The following AAGAB variants were observed in gnomAD, a reference collection of about 807,000 sequenced individuals.
AAGAB encodes the protein alpha- and gamma-adaptin-binding protein p34.
In AAGAB, 38 loss-of-function variants were observed where a neutral mutation model predicts 44.1. The observed-to-expected ratio is 0.86, with a 90% confidence interval of 0.67 to 1.13. AAGAB has a LOEUF of 1.13. Ranked by LOEUF, AAGAB falls within the 50% of genes most tolerant of loss-of-function variation. The pLI, the probability that AAGAB is intolerant of heterozygous loss-of-function variation, is 0.00. For synonymous variants in AAGAB, 131 were observed against 131.8 expected (o/e 0.99, Z 0.04); for missense variants, 450 against 373.8 (o/e 1.20, Z -1.68).
chr15:67,204,037 T>C lies in AAGAB; in HGVS notation c.820+7A>G. The C allele has an allele frequency of 6.5e-7, 1 of 1,541,104 alleles. No homozygotes were observed. Among genetic ancestry groups the C allele is most frequent in the Non-Finnish European group, 9.0e-7 (1 of 1,114,608 alleles). On this transcript the variant is annotated splice_region_variant and intron_variant, in intron 8 of 9. Transcript: ENST00000261880. ...GGGAACATATTAGACACAATGGATC[T>C]GATTACCTTTCATTTCCTTTAACTT...
At chr15:67,209,435 G>GA in intron 6 of AAGAB, 27 bp downstream of exon 6, 1 of 1,580,298 alleles carries the variant, frequency 6.3e-7, no homozygotes, top group Non-Finnish European at 8.7e-7. Flanking sequence ...GCCAAAGAGG[G>GA]AAAAAAGATC....
chr15:67,237,308 A>G (rs1228861960), intron 1 of AAGAB, among the ~76,000 whole-genome samples: 1 of 152,238 alleles, frequency 6.6e-6, no homozygotes, highest in Non-Finnish European at 1.5e-5. Flanking sequence ...CTGAATGCTT[A>G]GACATTAATT....
intron 7 of AAGAB, 150 bp from the exon 8 acceptor site, chr15:67,204,298 T>C: frequency 1.9e-6 from 1 of 531,068 alleles, no homozygotes; most frequent in Non-Finnish European, 3.3e-6. Context: ...TCACCCTGCT[T>C]GGCTGCTAGT....
chr15:67,205,705 T>C (rs1415943169), intron 7 of AAGAB, among the ~76,000 whole-genome samples: 1 of 152,126 alleles, frequency 6.6e-6, no homozygotes, highest in African/African-American at 2.4e-5. Context: ...ATGGAGGTCA[T>C]TGCTGGCCTT....
At chr15:67,222,961 C>T (rs892867264) in intron 5 of AAGAB, among the ~76,000 whole-genome samples, 1 of 152,206 alleles carries the variant, frequency 6.6e-6, no homozygotes, top group Non-Finnish European at 1.5e-5. Context: ...AGGGTCAACT[C>T]TCTGTTCTCA....
At chr15:67,208,863 T>G (rs918861715) in intron 6 of AAGAB, among the ~76,000 whole-genome samples, 3 of 152,206 alleles carry the variant, frequency 2.0e-5, no homozygotes, top group Non-Finnish European at 4.4e-5. Context: ...AAGGAAGAAC[T>G]AGAAAGCGTT....
chr15:67,227,681 A>T (rs1041662650), intron 5 of AAGAB, among the ~76,000 whole-genome samples: 2 of 152,208 alleles, frequency 1.3e-5, no homozygotes, highest in Non-Finnish European at 2.9e-5. Context: ...CCAGCAAAGC[A>T]GGCTCTAAAA....
At chr15:67,246,285 G>C (rs1296746914) in intron 1 of AAGAB, among the ~76,000 whole-genome samples, 1 of 151,804 alleles carries the variant, frequency 6.6e-6, no homozygotes, top group Non-Finnish European at 1.5e-5. Flanking sequence ...CGGTGGGGTC[G>C]GGGGGCTGAG....
upstream of AAGAB, chr15:67,254,722 G>C: frequency 7.1e-7 from 1 of 1,404,800 alleles, no homozygotes; most frequent in East Asian, 2.5e-5. Flanking sequence ...AGGCCGGAGA[G>C]GGCGTTCTCG....
intron 5 of AAGAB, among the ~76,000 whole-genome samples, chr15:67,220,241 A>G (rs1251564937): frequency 6.6e-6 from 1 of 152,234 alleles, no homozygotes; most frequent in Non-Finnish European, 1.5e-5. Flanking sequence ...CTCAGCTATC[A>G]TCATCATTTC....
intron 5 of AAGAB, among the ~76,000 whole-genome samples, chr15:67,215,182 A>G (rs920610907): frequency 2.6e-5 from 4 of 152,052 alleles, no homozygotes; most frequent in Non-Finnish European, 5.9e-5. Flanking sequence ...ACTCATCTCG[A>G]GTCAAAATGC....
intron 5 of AAGAB, among the ~76,000 whole-genome samples, chr15:67,229,153 G>T (rs1386714058): frequency 6.6e-6 from 1 of 152,198 alleles, no homozygotes; most frequent in African/African-American, 2.4e-5. Context: ...AGGTTGGAGG[G>T]CCAGGCGGGG....
At chr15:67,235,356 G>A (rs555537977) in intron 4 of AAGAB, among the ~76,000 whole-genome samples, 1 of 152,100 alleles carries the variant, frequency 6.6e-6, no homozygotes, top group African/African-American at 2.4e-5. Flanking sequence ...AGGTTTTGGT[G>A]AACCAAAAAC....
upstream of AAGAB, chr15:67,254,701 G>A: frequency 2.0e-6 from 3 of 1,497,464 alleles, no homozygotes; most frequent in Non-Finnish European, 2.7e-6. Flanking sequence ...CCGCCGGCGC[G>A]AGGGGGAGAC....
chr15:67,225,553 C>T (rs1219423012), intron 5 of AAGAB, among the ~76,000 whole-genome samples: 1 of 152,176 alleles, frequency 6.6e-6, no homozygotes, highest in Non-Finnish European at 1.5e-5. Context: ...TACCCATGAG[C>T]AACCTCTCCT....
chr15:67,236,972 A>T lies in AAGAB; in HGVS notation c.74-152T>A. The T allele has an allele frequency of 5.2e-6, 3 of 573,448 alleles. No individual in the cohort carries two copies. In the South Asian group the frequency reaches 8.2e-5, roughly 16 times the overall value. The allele number at this position is 573,448 out of a possible 1,614,324, so 35.5% of individuals were successfully genotyped here. On this transcript the variant is annotated intron_variant, in intron 1 of 9. Coordinates refer to ENST00000261880, the MANE Select transcript of AAGAB (RefSeq NM_024666.5). ...CCCTGCATTTATTAGCTTTAATCCT[A>T]TATTCTCTGATCATCTGATTATAAA...
intron 4 of AAGAB, among the ~76,000 whole-genome samples, chr15:67,233,756 G>C (rs898377084): frequency 8.5e-5 from 13 of 152,136 alleles, no homozygotes; most frequent in Middle Eastern, 3.2e-3. Flanking sequence ...CACTGCAATT[G>C]ATGATTTACT....
In AAGAB at chr15:67,202,755, G is replaced by C. The variant is rs1297467323; in HGVS notation, c.*66C>G. On this transcript the variant is annotated 3_prime_UTR_variant, in exon 10 of 10. Coordinates refer to ENST00000261880, the MANE Select transcript of AAGAB (RefSeq NM_024666.5). ...GGGCAATTTTGGCAAAATATGACTG[G>C]GCTGAGTAGAGAGGTATCTCAGAGA... 3 of 1,534,804 alleles carry C rather than the reference G, an allele frequency of 2.0e-6. No individual in the cohort carries two copies. The highest frequency in any genetic ancestry group is 1.8e-6 in the Non-Finnish European group (2 of 1,108,310).
chr15:67,234,958 T>C (rs566271691), intron 4 of AAGAB, among the ~76,000 whole-genome samples: 1 of 152,362 alleles, frequency 6.6e-6, no homozygotes, highest in African/African-American at 2.4e-5. Flanking sequence ...GGAAAAATTA[T>C]AAATAAAACC....
Sources: allele counts gnomAD v4.1 joint callset (sites outside exome capture counted in the v4.1 genomes callset), GRCh38; gene constraint gnomAD v4.1.1; transcripts MANE v1.5; gene names NCBI Gene and HGNC (gene_info 2026-07-23, HGNC 2026-07-21).